SLC2A9: variants seen among roughly 807,000 people sequenced by gnomAD.
SLC2A9 encodes solute carrier family 2, facilitated glucose transporter member 9.
In SLC2A9, 39 loss-of-function variants were observed where a neutral mutation model predicts 50.6. The ratio of observed to expected loss-of-function variants is 0.77; its 90% CI spans 0.60 to 1.01. The LOEUF is 1.01. Ranked by LOEUF, SLC2A9 falls within the 50% of genes least tolerant of loss-of-function variation. The probability of loss-of-function intolerance (pLI) is 0.00; values close to 1 mark genes in which losing one functional copy is unlikely to be tolerated. For missense variants in SLC2A9, 686 were observed against 677.6 expected (o/e 1.01, Z -0.14); for synonymous variants, 324 against 276.9 (o/e 1.17, Z -1.69).
In SLC2A9 at chr4:9,937,286, G is replaced by A. The variant is rs188047000; in HGVS notation, c.814+4627C>T. ...TGGAGGCTTTGGTAGGGTGGTTTCCGAGCTGTGTTTTCCCGCCCCTTTTTG... is the reference window on the plus strand; with the variant it reads ...TGGAGGCTTTGGTAGGGTGGTTTCCAAGCTGTGTTTTCCCGCCCCTTTTTG... On this transcript the variant is annotated intron_variant, in intron 6 of 11. Coordinates refer to ENST00000264784, the MANE Select transcript of SLC2A9 (RefSeq NM_020041.3). 4.8e-3 allele frequency among the ~76,000 whole-genome samples: 736 copies of A among 152,242 alleles called. 3 individuals are homozygous for A. Among genetic ancestry groups the A allele is most frequent in the Non-Finnish European group, 8.8e-3 (598 of 68,004 alleles).
intron 5 of SLC2A9, among the ~76,000 whole-genome samples, chr4:9,958,701 G>A (rs986530901): frequency 4.6e-5 from 7 of 152,124 alleles, no homozygotes; most frequent in Non-Finnish European, 8.8e-5. Flanking sequence ...GGAACCAGTG[G>A]TTTCTACCCA....
At position 10,003,752 on chromosome 4, in the gene SLC2A9, T is replaced by C. The variant is rs113085145; in HGVS notation, c.250-6811A>G. 3.9e-3 allele frequency among the ~76,000 whole-genome samples: 599 copies of C among 152,344 alleles called. 6 individuals are homozygous for C. The highest frequency in any genetic ancestry group is 0.014 in the African/African-American group (563 of 41,572). On this transcript the variant is annotated intron_variant, in intron 2 of 11. Coordinates refer to ENST00000264784, the MANE Select transcript of SLC2A9 (RefSeq NM_020041.3). ...ACCTATGGCAAAACATGACTGGTCATGCATGATACAGAATGGGTGCTTAAA... is the reference window on the plus strand; with the variant it reads ...ACCTATGGCAAAACATGACTGGTCACGCATGATACAGAATGGGTGCTTAAA...
intron 5 of SLC2A9, among the ~76,000 whole-genome samples, chr4:9,963,981 G>C (rs993881798): frequency 1.3e-5 from 2 of 152,258 alleles, no homozygotes; most frequent in Admixed American, 1.3e-4. Flanking sequence ...CTGTGAGGTG[G>C]AGGGGTGGAT....
rs34817778 is a variant in SLC2A9 at position 9,801,128 on chromosome 4, G to GA, written n.421-1888dup. ...TGAATGTGGCTTTTGTTGTCAGGAG[G>GA]AAAAAAAAAAAGACACATGGCTCAG... On this transcript the variant is annotated intron_variant and non_coding_transcript_variant, in intron 3 of 3. Coordinates refer to the SLC2A9 transcript ENST00000503280. Among the ~76,000 whole-genome samples the GA allele has an allele frequency of 4.3e-3, 617 of 145,176 alleles. 11 individuals carry two copies. In the East Asian group the frequency reaches 0.07, roughly 16 times the overall value.
intron 3 of SLC2A9, among the ~76,000 whole-genome samples, chr4:9,809,842 GTTTTC>G (rs1319338576): frequency 2.0e-5 from 3 of 150,004 alleles, no homozygotes; most frequent in East Asian, 2.0e-4. Context: ...CCATCAACAA[GTTTTC>G]TTTTCTTTTT....
At chr4:9,803,404 T>C (rs551758537) in intron 3 of SLC2A9, among the ~76,000 whole-genome samples, 2 of 152,376 alleles carry the variant, frequency 1.3e-5, no homozygotes, top group African/African-American at 4.8e-5. Context: ...GAATTATTTA[T>C]TTAAATCCTC....
chr4:9,872,577 T>A (rs1483151584), intron 10 of SLC2A9, among the ~76,000 whole-genome samples: 1 of 152,250 alleles, frequency 6.6e-6, no homozygotes, highest in Admixed American at 6.5e-5. Context: ...GTTGTATGCA[T>A]AAATTTCTGG....
At position 9,880,735 on chromosome 4, in the gene SLC2A9, C is replaced by T. The variant is rs141502469; in HGVS notation, c.1291+6832G>A. 3.9e-5 allele frequency among the ~76,000 whole-genome samples: 6 copies of T among 152,290 alleles called. No homozygotes were observed. In the East Asian group the frequency reaches 1.2e-3, roughly 29 times the overall value. Reference sequence around the variant, plus strand: ...ACAGCTGTTATGGAAAAAGATAACTCGAGAAGCATTAAATCACACCATGAA... The same window carrying T: ...ACAGCTGTTATGGAAAAAGATAACTTGAGAAGCATTAAATCACACCATGAA... On this transcript the variant is annotated intron_variant, in intron 10 of 11. Coordinates refer to ENST00000264784, the MANE Select transcript of SLC2A9 (RefSeq NM_020041.3).
chr4:9,908,764 G>T (rs1373930773), intron 7 of SLC2A9, among the ~76,000 whole-genome samples: 1 of 152,084 alleles, frequency 6.6e-6, no homozygotes, highest in Non-Finnish European at 1.5e-5. Context: ...GGAATGTCCA[G>T]CTAAAAGACT....
intron 3 of SLC2A9, among the ~76,000 whole-genome samples, chr4:9,806,376 G>A (rs993261674): frequency 5.9e-5 from 9 of 152,288 alleles, no homozygotes; most frequent in Middle Eastern, 3.4e-3. Flanking sequence ...ACTAGCCAGC[G>A]CCATCCCTTT....
intron 10 of SLC2A9, among the ~76,000 whole-genome samples, chr4:9,886,959 G>C (rs1007620660): frequency 6.6e-6 from 1 of 152,214 alleles, no homozygotes; most frequent in African/African-American, 2.4e-5. Flanking sequence ...AGCAGGGCTA[G>C]AAGTGAGTCC....
chr4:9,798,976 C>T (rs552100382), downstream of SLC2A9: 2 of 152,376 alleles, frequency 1.3e-5, no homozygotes, highest in African/African-American at 4.8e-5. Flanking sequence ...GTGCCAGCAT[C>T]ACTGCATCAC....
intron 7 of SLC2A9, among the ~76,000 whole-genome samples, chr4:9,919,362 C>T (rs978163555): frequency 1.3e-5 from 2 of 152,076 alleles, no homozygotes; most frequent in Admixed American, 6.5e-5. Context: ...CCAGTGTTTC[C>T]GAAAATAGAA....
At chr4:9,852,610 G>C (rs1730146061) in intron 10 of SLC2A9, among the ~76,000 whole-genome samples, 3 of 152,204 alleles carry the variant, frequency 2.0e-5, no homozygotes, top group Non-Finnish European at 4.4e-5. Context: ...GTCAAACTAA[G>C]CTTCATAAAC....
intron 3 of SLC2A9, among the ~76,000 whole-genome samples, chr4:9,813,539 T>C (rs1284539740): frequency 6.6e-6 from 1 of 152,140 alleles, no homozygotes; most frequent in East Asian, 1.9e-4. Flanking sequence ...ATGATGGTAT[T>C]CATTTGTTCA....
At chr4:9,913,328 TGTGAGAGA>T (rs766767730) in intron 7 of SLC2A9, among the ~76,000 whole-genome samples, 57 of 136,610 alleles carry the variant, frequency 4.2e-4, no homozygotes, top group South Asian at 5.3e-4. Flanking sequence ...TGTGTGTGTG[TGTGAGAGA>T]GAGAGAGAGA....
Position 10,021,449 on chromosome 4 carries a change from G to A in SLC2A9, c.-20C>T. On this transcript the variant is annotated 5_prime_UTR_variant, in exon 1 of 12. Coordinates refer to ENST00000264784, the MANE Select transcript of SLC2A9 (RefSeq NM_020041.3). ...TGCCATGGGTCTCAGTGACCCAGCT[G>A]ATGGCTCAGTCCAGGGACCCCAGAC... 6.2e-7 allele frequency: 1 copy of A among 1,614,062 alleles called. No homozygotes were observed. Among genetic ancestry groups the A allele is most frequent in the Non-Finnish European group, 8.5e-7 (1 of 1,179,982 alleles).
At chr4:9,982,209 C>T (rs975132940) in intron 4 of SLC2A9, among the ~76,000 whole-genome samples, 3 of 152,174 alleles carry the variant, frequency 2.0e-5, no homozygotes, top group African/African-American at 7.2e-5. Flanking sequence ...ACAAACAGAT[C>T]GGCCAGTTCA....
intron 6 of SLC2A9, among the ~76,000 whole-genome samples, chr4:9,935,506 G>A (rs762357649): frequency 3.9e-5 from 6 of 152,312 alleles, no homozygotes; most frequent in East Asian, 1.9e-4. Context: ...AGCTGAGCTG[G>A]TTCTTAGAGA....
Sources: allele counts gnomAD v4.1 joint callset (sites outside exome capture counted in the v4.1 genomes callset), GRCh38; gene constraint gnomAD v4.1.1; transcripts MANE v1.5; gene names NCBI Gene and HGNC (gene_info 2026-07-23, HGNC 2026-07-21).